The following RPH3AL variants were observed in gnomAD, a reference collection of about 807,000 sequenced individuals.
RPH3AL encodes rabphilin 3A like (without C2 domains).
In RPH3AL, 38 loss-of-function variants were observed where a neutral mutation model predicts 43.1. The ratio of observed to expected loss-of-function variants is 0.88; its 90% CI spans 0.68 to 1.15. The LOEUF (loss-of-function observed/expected upper bound fraction) is 1.15. Ranked by LOEUF, RPH3AL falls within the 50% of genes most tolerant of loss-of-function variation. The pLI is 0.00. For missense variants in RPH3AL, 462 were observed against 423.2 expected, an observed-to-expected ratio of 1.09 and a Z score of -0.81; for synonymous variants, 189 against 176.3, an observed-to-expected ratio of 1.07 and a Z score of -0.57.
chr17:317,290 C>T (rs1447769158), intron 5 of RPH3AL, among the ~76,000 whole-genome samples: 1 of 151,452 alleles, frequency 6.6e-6, no homozygotes, highest in Non-Finnish European at 1.5e-5. Context: ...CCTGTAGTCT[C>T]TCTGTCCCAC....
intron 5 of RPH3AL, among the ~76,000 whole-genome samples, chr17:292,856 C>T (rs1052516296): frequency 2.6e-5 from 4 of 152,224 alleles, no homozygotes; most frequent in African/African-American, 7.2e-5. Flanking sequence ...GACCTTACCC[C>T]GACTACCCAC....
chr17:273,464 G>T (rs1186087951), intron 6 of RPH3AL, among the ~76,000 whole-genome samples: 11 of 68,104 alleles, frequency 1.6e-4, no homozygotes, highest in African/African-American at 2.9e-4. Flanking sequence ...CGAGGGCGAC[G>T]TCAGGGAGAG....
chr17:241,807 T>C (rs2041544269), intron 7 of RPH3AL, among the ~76,000 whole-genome samples: 1 of 151,260 alleles, frequency 6.6e-6, no homozygotes, highest in Admixed American at 6.6e-5. Flanking sequence ...TCTTGTATTC[T>C]TATGTAATTA....
intron 7 of RPH3AL, among the ~76,000 whole-genome samples, chr17:237,488 G>A (rs967621006): frequency 6.6e-5 from 10 of 152,350 alleles, no homozygotes; most frequent in African/African-American, 2.4e-4. Context: ...CCTGAGGAGG[G>A]ACAATGACCC....
chr17:339,838 G>T (rs774734720), intron 1 of RPH3AL, among the ~76,000 whole-genome samples: 5 of 152,178 alleles, frequency 3.3e-5, no homozygotes, highest in Admixed American at 6.5e-5. Flanking sequence ...TGTAAGTCGC[G>T]CAGTAATTGG....
chr17:340,498 G>A (rs12938920), intron 1 of RPH3AL, among the ~76,000 whole-genome samples: 1,783 of 2,856 alleles, frequency 0.62, 828 homozygotes, highest in Middle Eastern at 1. Context: ...GCCTCCCCAC[G>A]TCCACACTCA....
At chr17:318,279 G>T (rs901816338) in intron 5 of RPH3AL, among the ~76,000 whole-genome samples, 1 of 152,154 alleles carries the variant, frequency 6.6e-6, no homozygotes, top group African/African-American at 2.4e-5. Context: ...CTACTCAGGA[G>T]GCTGAGGCAG....
intron 5 of RPH3AL, among the ~76,000 whole-genome samples, chr17:297,865 G>A (rs544585655): frequency 2.0e-5 from 3 of 152,110 alleles, no homozygotes; most frequent in Non-Finnish European, 2.9e-5. Flanking sequence ...CGTTACTCCC[G>A]GGCCCTGGAC....
At chr17:298,490 A>C (rs2043235889) in intron 5 of RPH3AL, among the ~76,000 whole-genome samples, 1 of 151,722 alleles carries the variant, frequency 6.6e-6, no homozygotes, top group African/African-American at 2.4e-5. Context: ...TGAGGTCAGG[A>C]GTTTGAGACC....
intron 5 of RPH3AL, among the ~76,000 whole-genome samples, chr17:284,927 G>C (rs772866463): frequency 6.6e-6 from 1 of 152,122 alleles, no homozygotes; most frequent in Admixed American, 6.5e-5. Context: ...ACAGTAGAGT[G>C]AGGTCTGGCC....
chr17:269,033 C>T lies in RPH3AL; in HGVS notation c.438+12735G>A, dbSNP rs557543248. ...AGCTGGGACTACAGGCGCCCGCCAC[C>T]ACGCCTGGCTAATTTTTTGTATTTT... On this transcript the variant is annotated intron_variant, in intron 6 of 9. Coordinates refer to ENST00000331302, the MANE Select transcript of RPH3AL (RefSeq NM_006987.4). Among the ~76,000 whole-genome samples the T allele has an allele frequency of 3.3e-4, 50 of 152,276 alleles. 1 individual carries two copies. The East Asian group carries it at 6.4e-3, about 19-fold the overall frequency.
Position 327,474 on chromosome 17 carries a change from G to C in RPH3AL, c.70C>G (p.Arg24Gly). The stretch of plus-strand genomic sequence containing the variant: ...GGCCCCAGAGGTACTCACTTGGCTC[G>C]AAGGGCAAGCTGCCGGTCATTGGGG... Reference protein sequence around the residue: ...VCPNDRQLALRAKLQTGWSVH... With the variant: ...VCPNDRQLALGAKLQTGWSVH... The change falls in exon 3 of 10, where the codon CGA becomes GGA. Residue 24 changes from arginine to glycine, a missense_variant. Transcript: ENST00000331302. The C allele has an allele frequency of 6.2e-7, 1 of 1,613,864 alleles. No individual in the cohort carries two copies.
intron 7 of RPH3AL, among the ~76,000 whole-genome samples, chr17:229,321 C>G (rs969181876): frequency 6.6e-6 from 1 of 152,246 alleles, no homozygotes; most frequent in Non-Finnish European, 1.5e-5. Context: ...CTCAGCCCCA[C>G]TGCTGGGTTT....
chr17:300,383 A>G (rs113848543), intron 5 of RPH3AL, among the ~76,000 whole-genome samples: 14 of 22,012 alleles, frequency 6.4e-4, no homozygotes, highest in Admixed American at 1.2e-3. Context: ...CCCAGCCTAG[A>G]CCTGCAGAAT....
At chr17:262,240 A>G (rs1555546466) in intron 6 of RPH3AL, among the ~76,000 whole-genome samples, 2 of 151,762 alleles carry the variant, frequency 1.3e-5, no homozygotes, top group African/African-American at 4.8e-5. Context: ...TTTTTTTTAG[A>G]TGGTGTCTCG....
intron 5 of RPH3AL, among the ~76,000 whole-genome samples, chr17:293,938 G>T (rs2043108474): frequency 6.6e-6 from 1 of 152,114 alleles, no homozygotes; most frequent in Non-Finnish European, 1.5e-5. Context: ...TGAGGTAGGA[G>T]AACTGCTTGA....
chr17:250,484 T>C (rs1373402723), intron 6 of RPH3AL, among the ~76,000 whole-genome samples: 1 of 143,272 alleles, frequency 7.0e-6, no homozygotes, highest in African/African-American at 2.6e-5. Flanking sequence ...CTGTGGGACC[T>C]CTCGGGGCCT....
chr17:296,508 G>A (rs1305615258), intron 5 of RPH3AL, among the ~76,000 whole-genome samples: 1 of 152,204 alleles, frequency 6.6e-6, no homozygotes, highest in Non-Finnish European at 1.5e-5. Flanking sequence ...TCACGGGGCT[G>A]GAGGACACAG....
At chr17:250,658 G>A (rs111932968) in intron 6 of RPH3AL, among the ~76,000 whole-genome samples, 15,718 of 138,856 alleles carry the variant, frequency 0.11, 946 homozygotes, top group Non-Finnish European at 0.15. Flanking sequence ...AAGCTCCATC[G>A]CTGCGGGACC....
Sources: allele counts gnomAD v4.1 joint callset (sites outside exome capture counted in the v4.1 genomes callset), GRCh38; gene constraint gnomAD v4.1.1; transcripts MANE v1.5; gene names NCBI Gene and HGNC (gene_info 2026-07-23, HGNC 2026-07-21).